SDCCAG8: variants seen among roughly 807,000 people sequenced by gnomAD.
SDCCAG8 encodes the protein SHH signaling and ciliogenesis regulator SDCCAG8.
SDCCAG8 carries 74 observed loss-of-function variants against 101.8 expected under a neutral mutation model. The ratio of observed to expected loss-of-function variants is 0.73; its 90% CI spans 0.60 to 0.88. The LOEUF is 0.88. Ranked by LOEUF, SDCCAG8 falls within the 40% of genes least tolerant of loss-of-function variation. SDCCAG8 has a pLI of 0.00. For synonymous variants in SDCCAG8, 281 were observed against 292.9 expected, an observed-to-expected ratio of 0.96 and a Z score of 0.41; for missense variants, 787 against 822.6, an observed-to-expected ratio of 0.96 and a Z score of 0.53.
At chr1:243,267,389 G>A (rs573180111) in intron 1 of SDCCAG8, 109 of 257,974 alleles carry the variant, frequency 4.2e-4, no homozygotes, top group African/African-American at 2.3e-3. Flanking sequence ...ACCTGAGGTC[G>A]GGAGTTTGAG....
At chr1:243,374,960 A>G (rs1425284199) in intron 12 of SDCCAG8, among the ~76,000 whole-genome samples, 1 of 152,180 alleles carries the variant, frequency 6.6e-6, no homozygotes, top group Non-Finnish European at 1.5e-5. Context: ...AGAAAAACAA[A>G]CTATTAAAAA....
chr1:243,337,257 A>C (rs1057073973), intron 10 of SDCCAG8, among the ~76,000 whole-genome samples: 3 of 152,186 alleles, frequency 2.0e-5, no homozygotes, highest in Non-Finnish European at 4.4e-5. Flanking sequence ...CCATTTATTG[A>C]ATAGGGAATC....
At chr1:243,319,167 G>A (rs1423266538) in intron 9 of SDCCAG8, among the ~76,000 whole-genome samples, 1 of 151,936 alleles carries the variant, frequency 6.6e-6, no homozygotes, top group Non-Finnish European at 1.5e-5. Context: ...CCATTCATGA[G>A]GGATCCACCC....
chr1:243,288,874 G>T (rs957839288), intron 5 of SDCCAG8, among the ~76,000 whole-genome samples: 1 of 151,926 alleles, frequency 6.6e-6, no homozygotes, highest in Non-Finnish European at 1.5e-5. Flanking sequence ...GGGCGTGGTG[G>T]TGGGCACCTG....
intron 1 of SDCCAG8, among the ~76,000 whole-genome samples, chr1:243,259,251 C>G (rs557634102): frequency 6.6e-6 from 1 of 150,952 alleles, no homozygotes; most frequent in Admixed American, 6.6e-5. Flanking sequence ...AAAAAAAATA[C>G]AAAAAACTAG....
rs753200349 is a variant in SDCCAG8, at chr1:243,304,688, G to A, written c.676-25G>A. On this transcript the variant is annotated intron_variant, in intron 6 of 17. Coordinates refer to ENST00000366541, the MANE Select transcript of SDCCAG8 (RefSeq NM_006642.5). ...TAAAATACAGGACATAGAGAAAAAT[G>A]TACTTCTATTTTTCTTTTCTATAGG... 6.4e-6 allele frequency: 8 copies of A among 1,255,600 alleles called. No individual in the cohort carries two copies. In the South Asian group the frequency reaches 7.2e-5, roughly 11 times the overall value. 77.8% of individuals were successfully genotyped at this position (1,255,600 alleles called of 1,614,324 possible). A position where few individuals can be genotyped will look rare whatever the true frequency, so the allele number is the denominator to read the frequency against.
intron 6 of SDCCAG8, among the ~76,000 whole-genome samples, chr1:243,297,425 G>A (rs531242237): frequency 5.3e-5 from 8 of 152,276 alleles, no homozygotes; most frequent in Admixed American, 6.5e-5. Flanking sequence ...ACAAATTTAC[G>A]TTGCATATGT....
chr1:243,275,745 G>GTA (rs899866700), intron 4 of SDCCAG8, among the ~76,000 whole-genome samples: 3 of 150,478 alleles, frequency 2.0e-5, no homozygotes, highest in African/African-American at 7.3e-5. Flanking sequence ...AGAGAACATA[G>GTA]TATAGGCCTT....
chr1:243,409,043 C>A lies in SDCCAG8; in HGVS notation c.1617-6659C>A, dbSNP rs565740915. 1.2e-3 allele frequency among the ~76,000 whole-genome samples: 179 copies of A among 152,216 alleles called. 1 individual carries two copies. The highest frequency in any genetic ancestry group is 2.0e-3 in the Non-Finnish European group (133 of 68,002). ...CTGTGAGTTTGGCTGTACTCCATTG[C>A]CTCTCAAGGTGTCATCTTCCCAGAG... On this transcript the variant is annotated intron_variant, in intron 13 of 17. Transcript: ENST00000366541.
intron 13 of SDCCAG8, among the ~76,000 whole-genome samples, chr1:243,403,602 G>C (rs4658566): frequency 2.0e-5 from 3 of 152,002 alleles, no homozygotes; most frequent in African/African-American, 7.3e-5. Flanking sequence ...TTCCCAACTC[G>C]GGGTCACCTG....
At position 243,290,803 on chromosome 1, in the gene SDCCAG8, G is replaced by A. The variant is rs2070176213; in HGVS notation, c.547-2288G>A. Among the ~76,000 whole-genome samples, 3 of 152,084 alleles carry A rather than the reference G, an allele frequency of 2.0e-5. No individual in the cohort carries two copies. The South Asian group carries it at 6.2e-4, about 32-fold the overall frequency. The stretch of plus-strand genomic sequence containing the variant: ...TCTGGAAAACCTTCCTTGGATTTCT[G>A]GGTGCCCTTAGTATCCCTCCTGTGT... On this transcript the variant is annotated intron_variant, in intron 5 of 17. Transcript: ENST00000366541.
chr1:243,426,601 G>A (rs748960562), intron 16 of SDCCAG8, 43 bp downstream of exon 16: 1 of 1,613,342 alleles, frequency 6.2e-7, no homozygotes, highest in South Asian at 1.1e-5. Context: ...CATATTGAAT[G>A]TGTTTGGTTT....
At chr1:243,497,185 T>G (rs1265451104) in intron 17 of SDCCAG8, among the ~76,000 whole-genome samples, 3 of 152,148 alleles carry the variant, frequency 2.0e-5, no homozygotes, top group Admixed American at 6.5e-5. Flanking sequence ...ATGTGGGCAG[T>G]AACTAAGGCT....
intron 16 of SDCCAG8, among the ~76,000 whole-genome samples, chr1:243,430,732 C>G (rs1289900012): frequency 6.6e-6 from 1 of 152,092 alleles, no homozygotes; most frequent in Non-Finnish European, 1.5e-5. Context: ...GCTACCGCAC[C>G]GGGCTGGTCT....
At chr1:243,334,013 C>T (rs2074815709) in intron 10 of SDCCAG8, among the ~76,000 whole-genome samples, 1 of 152,098 alleles carries the variant, frequency 6.6e-6, no homozygotes, top group South Asian at 2.1e-4. Flanking sequence ...CTTTACTTTC[C>T]ACCTCCTATC....
At chr1:243,497,240 T>C (rs945256903) in intron 17 of SDCCAG8, among the ~76,000 whole-genome samples, 1 of 149,376 alleles carries the variant, frequency 6.7e-6, no homozygotes, top group Non-Finnish European at 1.5e-5. Flanking sequence ...AGTCAGCAAA[T>C]GGAGGCGACA....
chr1:243,337,602 G>A (rs1558315665), intron 10 of SDCCAG8, among the ~76,000 whole-genome samples: 1 of 152,218 alleles, frequency 6.6e-6, no homozygotes, highest in African/African-American at 2.4e-5. Flanking sequence ...CTAAGTTTCA[G>A]AGGAGTAAAT....
In SDCCAG8 at chr1:243,378,799, A is replaced by G. The variant is rs770306576; in HGVS notation, c.1552A>G (p.Arg518Gly). 4.4e-5 allele frequency: 71 copies of G among 1,614,140 alleles called. No homozygotes were observed. The South Asian group carries it at 6.9e-4, about 16-fold the overall frequency. Reference sequence around the variant, plus strand: ...GGAGCAGCAGAAGGCAGCCCTGGCCAGAGAGGAGTGCCTGAGACTAACAGA... The same window carrying G: ...GGAGCAGCAGAAGGCAGCCCTGGCCGGAGAGGAGTGCCTGAGACTAACAGA... Reference protein sequence around the residue: ...EQEQQKAALAREECLRLTELL... With the variant: ...EQEQQKAALAGEECLRLTELL... Residue 518 changes from arginine (R) to glycine (G), a missense_variant, in exon 13 of 18, where the codon AGA becomes GGA. By Grantham distance (125) the Arg-to-Gly change is moderately radical (BLOSUM62 -2). Transcript: ENST00000366541.
At chr1:243,283,585 G>A (rs1046854211) in intron 4 of SDCCAG8, among the ~76,000 whole-genome samples, 1 of 151,716 alleles carries the variant, frequency 6.6e-6, no homozygotes, top group Non-Finnish European at 1.5e-5. Context: ...CTACTGATGA[G>A]CCTTTCAAAG....
Sources: allele counts gnomAD v4.1 joint callset (sites outside exome capture counted in the v4.1 genomes callset), GRCh38; gene constraint gnomAD v4.1.1; transcripts MANE v1.5; gene names NCBI Gene and HGNC (gene_info 2026-07-23, HGNC 2026-07-21).